Variants in RYR2 observed in about 807,000 individuals in gnomAD.
RYR2 encodes the protein cardiac muscle ryanodine receptor-calcium release channel.
In RYR2, 227 loss-of-function variants were observed where a neutral mutation model predicts 601.1. The ratio of observed to expected loss-of-function variants is 0.38; its 90% CI spans 0.34 to 0.42. The LOEUF (loss-of-function observed/expected upper bound fraction) is 0.42. Ranked by LOEUF, RYR2 falls within the 10% of genes least tolerant of loss-of-function variation. The pLI is 1.00. For synonymous variants in RYR2, 2,223 were observed against 2,175.1 expected, an observed-to-expected ratio of 1.02 and a Z score of -0.61; for missense variants, 4,646 against 6,156.5, an observed-to-expected ratio of 0.75 and a Z score of 8.21.
chr1:237,692,985 GATGA>G (rs377020033), intron 63 of RYR2, among the ~76,000 whole-genome samples: 2 of 152,124 alleles, frequency 1.3e-5, no homozygotes, highest in Admixed American at 6.5e-5. Context: ...ATGAATATAT[GATGA>G]ATGAATGAAT....
intron 79 of RYR2, among the ~76,000 whole-genome samples, chr1:237,737,486 G>T (rs1270048144): frequency 6.6e-6 from 1 of 152,134 alleles, no homozygotes; most frequent in Non-Finnish European, 1.5e-5. Context: ...TTATACATTT[G>T]CCATCAATGG....
chr1:237,591,827 T>G lies in RYR2; in HGVS notation c.4249T>G (p.Tyr1417Asp). Residue 1417 changes from tyrosine to aspartate, a missense_variant, in exon 32 of 105, where the codon TAT becomes GAT. Around this residue, in one of 17 missense-constraint regions of RYR2, gnomAD observed 1,807 missense variants for 2,088.1 expected, o/e 0.87. Coordinates refer to ENST00000366574, the MANE Select transcript of RYR2 (RefSeq NM_001035.3). ...TGTCCTTGCTGATGATCGGGATGAC[T>G]ATGATTTCTTGATGCAAACGTCCAC... ...EDVLADDRDD[Y>D]DFLMQTSTYY... The G allele has an allele frequency of 6.2e-7, 1 of 1,613,266 alleles. No individual in the cohort carries two copies. The highest frequency in any genetic ancestry group is 8.5e-7 in the Non-Finnish European group (1 of 1,179,604).
rs535213897 is a variant in RYR2, at chr1:237,824,479, C to G, written c.14591-3902C>G. 5.2e-4 allele frequency among the ~76,000 whole-genome samples: 79 copies of G among 152,200 alleles called. No homozygotes were observed. In the South Asian group the frequency reaches 7.9e-3, roughly 15 times the overall value. The stretch of plus-strand genomic sequence containing the variant: ...AAGGCCTTCGACAAAATTCAACAGC[C>G]CTTCATGCTAAAAACTCTCAATAAA... On this transcript the variant is annotated intron_variant, in intron 101 of 104. Transcript: ENST00000366574.
At chr1:237,723,560 A>G (rs1383584727) in intron 74 of RYR2, among the ~76,000 whole-genome samples, 1 of 152,184 alleles carries the variant, frequency 6.6e-6, no homozygotes, top group African/African-American at 2.4e-5. Context: ...TAACCAAAAA[A>G]TTCAGGAGTT....
At chr1:237,448,525 A>C (rs1657667618) in intron 14 of RYR2, among the ~76,000 whole-genome samples, 1 of 152,090 alleles carries the variant, frequency 6.6e-6, no homozygotes, top group Admixed American at 6.5e-5. Context: ...TTAGATCTTT[A>C]ATTTCCTTAC....
At chr1:237,518,391 CTCA>C (rs1262318163) in intron 24 of RYR2, among the ~76,000 whole-genome samples, 1 of 152,094 alleles carries the variant, frequency 6.6e-6, no homozygotes, top group African/African-American at 2.4e-5. Context: ...TACGTAATTT[CTCA>C]TCATCTACTC....
At chr1:237,588,098 A>G (rs1674733897) in intron 29 of RYR2, among the ~76,000 whole-genome samples, 2 of 152,172 alleles carry the variant, frequency 1.3e-5, no homozygotes, top group African/African-American at 4.8e-5. Context: ...TCTTGACTAT[A>G]GCTTTAAGAG....
At chr1:237,623,085 G>T (rs992282780) in intron 38 of RYR2, among the ~76,000 whole-genome samples, 1 of 152,124 alleles carries the variant, frequency 6.6e-6, no homozygotes, top group Non-Finnish European at 1.5e-5. Flanking sequence ...GAAAATAATG[G>T]AAATTTAGGA....
At chr1:237,740,259 T>C (rs1691494903) in intron 79 of RYR2, among the ~76,000 whole-genome samples, 1 of 152,246 alleles carries the variant, frequency 6.6e-6, no homozygotes, top group Non-Finnish European at 1.5e-5. Flanking sequence ...TTGTGTGATC[T>C]TAGCATATTC....
At chr1:237,063,026 T>C (rs1293729502) in intron 1 of RYR2, among the ~76,000 whole-genome samples, 1 of 152,186 alleles carries the variant, frequency 6.6e-6, no homozygotes, top group African/African-American at 2.4e-5. Context: ...GTTGAAATCT[T>C]AACCCCCAAT....
intron 5 of RYR2, among the ~76,000 whole-genome samples, chr1:237,364,765 C>T (rs914302691): frequency 1.3e-5 from 2 of 152,060 alleles, no homozygotes; most frequent in Non-Finnish European, 2.9e-5. Context: ...TAGTAGCTCT[C>T]CATTTAGAAT....
rs938732885 is a variant in RYR2, at chr1:237,831,418, A to G, written c.14757-96A>G. ...ATGTGGCGTTTTCTCTGTGCTGGCC[A>G]TAATTGATTGCAACCATACAATTTA... On this transcript the variant is annotated intron_variant, in intron 103 of 104. Transcript: ENST00000366574. The G allele has an allele frequency of 1.1e-5, 8 of 712,128 alleles. No homozygotes were observed. The Middle Eastern group carries it at 1.2e-3, about 105-fold the overall frequency. 44.1% of individuals were successfully genotyped at this position (712,128 alleles called of 1,614,324 possible).
chr1:237,449,435 G>T (rs1193480306), intron 14 of RYR2, among the ~76,000 whole-genome samples: 1 of 152,028 alleles, frequency 6.6e-6, no homozygotes, highest in Admixed American at 6.6e-5. Flanking sequence ...TTCGCACTTT[G>T]TCATTCATTT....
chr1:237,196,419 C>T (rs1478555583), intron 1 of RYR2, among the ~76,000 whole-genome samples: 3 of 152,122 alleles, frequency 2.0e-5, no homozygotes, highest in Admixed American at 6.5e-5. Context: ...ATTAAAATGA[C>T]AATCTCTAAT....
intron 100 of RYR2, among the ~76,000 whole-genome samples, chr1:237,818,355 C>T (rs1662068125): frequency 6.6e-6 from 1 of 152,054 alleles, no homozygotes; most frequent in African/African-American, 2.4e-5. Context: ...AATTATCCAG[C>T]CAAAAATGTC....
chr1:237,181,495 G>C (rs1308743973), intron 1 of RYR2, among the ~76,000 whole-genome samples: 1 of 152,188 alleles, frequency 6.6e-6, no homozygotes, highest in African/African-American at 2.4e-5. Context: ...TCACTCAAGA[G>C]ACAGACCAGC....
chr1:237,496,354 A>T (rs1374966261), intron 19 of RYR2, among the ~76,000 whole-genome samples, 157 bp from the exon 20 acceptor site: 1 of 152,200 alleles, frequency 6.6e-6, no homozygotes. Context: ...GCTGCAATAA[A>T]CTATGATTGC....
At chr1:237,667,848 C>T (rs1412863738) in intron 57 of RYR2, 35 bp from the exon 58 acceptor site, 4 of 1,459,216 alleles carry the variant, frequency 2.7e-6, no homozygotes, top group Non-Finnish European at 3.7e-6. Flanking sequence ...TCCTTTTTTA[C>T]TTATTGAAAC....
At position 237,565,197 on chromosome 1, in the gene RYR2, T is replaced by G. The variant is rs1042845775; in HGVS notation, c.3215-1370T>G. ...TTTCTTTCTTTCTTTCTTTCTTTCTTTCTTTCTTTCTTTCTTTCTTTCTTT... is the reference window on the plus strand; with the variant it reads ...TTTCTTTCTTTCTTTCTTTCTTTCTGTCTTTCTTTCTTTCTTTCTTTCTTT... On this transcript the variant is annotated intron_variant, in intron 27 of 104. Coordinates refer to ENST00000366574, the MANE Select transcript of RYR2 (RefSeq NM_001035.3). Among the ~76,000 whole-genome samples, 257 of 143,042 alleles carry G rather than the reference T, an allele frequency of 1.8e-3. 2 individuals are homozygous for G. The highest frequency in any genetic ancestry group is 6.3e-3 in the African/African-American group (241 of 37,962). The allele number at this position is 143,042 out of a possible 152,430, so 93.8% of individuals were successfully genotyped here. A position where few individuals can be genotyped will look rare whatever the true frequency, so the allele number is the denominator to read the frequency against.
Sources: gnomAD v4.1 joint callset for allele counts (sites outside exome capture counted in the v4.1 genomes callset) on GRCh38, gnomAD v4.1.1 for gene constraint, gnomAD v4.1.1 regional missense constraint, MANE v1.5 for transcripts, NCBI Gene and HGNC (gene_info 2026-07-23, HGNC 2026-07-21) for gene names.